The following PXDNL variants were observed in gnomAD, a reference collection of about 807,000 sequenced individuals.
The protein encoded by PXDNL is peroxidasin like, also known as probable oxidoreductase PXDNL.
In PXDNL, 145 loss-of-function variants were observed where a neutral mutation model predicts 150.8. The ratio of observed to expected loss-of-function variants is 0.96; its 90% CI spans 0.84 to 1.10. The LOEUF (loss-of-function observed/expected upper bound fraction) is 1.10. PXDNL is among the 50% of genes least tolerant of loss of function. The pLI, the probability that PXDNL is intolerant of heterozygous loss-of-function variation, is 0.00. For synonymous variants in PXDNL, 757 were observed against 725.7 expected (o/e 1.04, Z -0.69); for missense variants, 2,087 against 1,873.9 (o/e 1.11, Z -2.10).
chr8:51,425,705 C>A (rs2129753936), intron 13 of PXDNL, among the ~76,000 whole-genome samples: 1 of 152,022 alleles, frequency 6.6e-6, no homozygotes, highest in Non-Finnish European at 1.5e-5. Flanking sequence ...CCTGTAGTCC[C>A]AGCTACTCGG....
At chr8:51,589,070 G>A (rs144068074) in intron 3 of PXDNL, among the ~76,000 whole-genome samples, 218 of 152,172 alleles carry the variant, frequency 1.4e-3, no homozygotes, top group Non-Finnish European at 2.3e-3. Flanking sequence ...TATCACAGAC[G>A]TTTGGCCCTT....
At position 51,532,239 on chromosome 8, in the gene PXDNL, G is replaced by C. The variant is rs116849601; in HGVS notation, c.380+24601C>G. The stretch of plus-strand genomic sequence containing the variant: ...CCAGAATTAAGAAAAAAAAGAGATT[G>C]CTAAAACAGCAAAGCCTGTTATTTT... On this transcript the variant is annotated intron_variant, in intron 4 of 22. Transcript: ENST00000356297. Among the ~76,000 whole-genome samples, 649 of 152,290 alleles carry C rather than the reference G, an allele frequency of 4.3e-3. 3 individuals are homozygous for C. Among genetic ancestry groups the C allele is most frequent in the Middle Eastern group, 0.01 (3 of 294 alleles).
chr8:51,587,311 C>A (rs1289346935), intron 3 of PXDNL, among the ~76,000 whole-genome samples: 1 of 152,246 alleles, frequency 6.6e-6, no homozygotes. Flanking sequence ...GCTCTTAGAT[C>A]TTCAAGAAAT....
chr8:51,744,967 A>G (rs762093436), intron 1 of PXDNL, among the ~76,000 whole-genome samples: 12,197 of 25,584 alleles, frequency 0.48, 1,428 homozygotes, highest in South Asian at 0.55. Flanking sequence ...AAAGAAAGAA[A>G]GAAAGAAAGA....
intron 1 of PXDNL, among the ~76,000 whole-genome samples, chr8:51,790,363 C>A (rs1289496150): frequency 6.6e-6 from 1 of 152,176 alleles, no homozygotes; most frequent in Non-Finnish European, 1.5e-5. Context: ...TGGCCTCAGA[C>A]TCCAAAGAAT....
chr8:51,539,905 A>C (rs1304703310), intron 4 of PXDNL, among the ~76,000 whole-genome samples: 1 of 148,024 alleles, frequency 6.8e-6, no homozygotes, highest in Admixed American at 6.7e-5. Context: ...TGTTCTATTG[A>C]CTTCTCTCTA....
At chr8:51,761,048 T>G (rs2130997672) in intron 1 of PXDNL, among the ~76,000 whole-genome samples, 1 of 135,836 alleles carries the variant, frequency 7.4e-6, no homozygotes, top group South Asian at 2.3e-4. Flanking sequence ...TTTTTTTTTG[T>G]ATTTTTAGTA....
At chr8:51,700,725 CATAA>C (rs1362333174) in intron 1 of PXDNL, among the ~76,000 whole-genome samples, 1 of 151,346 alleles carries the variant, frequency 6.6e-6, no homozygotes, top group Non-Finnish European at 1.5e-5. Flanking sequence ...CATATATACA[CATAA>C]ATACACATAC....
In PXDNL at chr8:51,409,119, G is replaced by C. The variant is rs1226711194; in HGVS notation, c.2505C>G (p.Val835=). Reference sequence around the variant, plus strand: ...GGAAACAAGGAGGGTCGTTGGTGCAGACGGAGCTGCACGGCCGCCCATCCG... The same window carrying C: ...GGAAACAAGGAGGGTCGTTGGTGCACACGGAGCTGCACGGCCGCCCATCCG... The part of the protein sequence containing the change: ...RFSDGRPCSS[V]CTNDPPCFPM... Residue 835 remains valine, a synonymous_variant, in exon 17 of 23, where the codon GTC becomes GTG. Coordinates refer to ENST00000356297, the MANE Select transcript of PXDNL (RefSeq NM_144651.5). 1 of 1,607,670 alleles carries C rather than the reference G, an allele frequency of 6.2e-7. No individual in the cohort carries two copies. Among genetic ancestry groups the C allele is most frequent in the African/African-American group, 1.3e-5 (1 of 74,898 alleles).
intron 12 of PXDNL, among the ~76,000 whole-genome samples, chr8:51,445,809 GA>G (rs1385169164): frequency 1.3e-5 from 2 of 152,108 alleles, no homozygotes; most frequent in Non-Finnish European, 2.9e-5. Flanking sequence ...AAAGTAGTTT[GA>G]AACATTCTGC....
At chr8:51,492,087 A>G (rs1810908852) in intron 5 of PXDNL, among the ~76,000 whole-genome samples, 1 of 152,240 alleles carries the variant, frequency 6.6e-6, no homozygotes, top group Non-Finnish European at 1.5e-5. Context: ...GTAACTGCAT[A>G]AGAAAGTGGT....
chr8:51,743,678 G>A (rs552619994), intron 1 of PXDNL, among the ~76,000 whole-genome samples: 24 of 151,982 alleles, frequency 1.6e-4, no homozygotes, highest in African/African-American at 4.3e-4. Context: ...CACCATGCCC[G>A]GGCAATTTTT....
chr8:51,395,653 T>C (rs990201518), intron 17 of PXDNL, among the ~76,000 whole-genome samples: 1 of 152,028 alleles, frequency 6.6e-6, no homozygotes, highest in African/African-American at 2.4e-5. Flanking sequence ...TATAATTTGG[T>C]TTCAAAGAGG....
intron 2 of PXDNL, among the ~76,000 whole-genome samples, chr8:51,601,658 T>A (rs879235017): frequency 6.6e-6 from 1 of 152,014 alleles, no homozygotes; most frequent in African/African-American, 2.4e-5. Context: ...TGGGTCTTCT[T>A]TTTTTATCCA....
At chr8:51,344,165 C>T (rs561226176) in intron 20 of PXDNL, among the ~76,000 whole-genome samples, 7 of 152,058 alleles carry the variant, frequency 4.6e-5, no homozygotes, top group South Asian at 2.1e-4. Context: ...AGTATAGTGC[C>T]GTGATCGTAA....
intron 14 of PXDNL, among the ~76,000 whole-genome samples, chr8:51,415,109 C>G (rs1005991250): frequency 6.6e-6 from 1 of 152,214 alleles, no homozygotes; most frequent in South Asian, 2.1e-4. Flanking sequence ...TGCACACATC[C>G]TCTCATCCAG....
Position 51,353,272 on chromosome 8 carries a change from T to G in PXDNL, c.3902-7325A>C, listed in dbSNP as rs1281265696. On this transcript the variant is annotated intron_variant, in intron 19 of 22. Coordinates refer to ENST00000356297, the MANE Select transcript of PXDNL (RefSeq NM_144651.5). Reference sequence around the variant, plus strand: ...TTTTTAAGCCAGCTATTAGATTTATTCATCAATTCCACTTATATCTTTATT... The same window carrying G: ...TTTTTAAGCCAGCTATTAGATTTATGCATCAATTCCACTTATATCTTTATT... 2.6e-5 allele frequency among the ~76,000 whole-genome samples: 4 copies of G among 151,560 alleles called. No individual in the cohort carries two copies. The East Asian group carries it at 7.7e-4, about 29-fold the overall frequency.
chr8:51,608,729 C>G (rs1192859787), intron 2 of PXDNL, among the ~76,000 whole-genome samples: 4 of 138,268 alleles, frequency 2.9e-5, no homozygotes, highest in Non-Finnish European at 4.7e-5. Flanking sequence ...CCCAGCTGCT[C>G]GGGAGGCTGA....
chr8:51,447,615 T>C (rs945986800), intron 11 of PXDNL, among the ~76,000 whole-genome samples: 1 of 152,136 alleles, frequency 6.6e-6, no homozygotes, highest in African/African-American at 2.4e-5. Context: ...TTTTGTGACA[T>C]TCATGCTGTT....
Sources: allele counts gnomAD v4.1 joint callset (sites outside exome capture counted in the v4.1 genomes callset), GRCh38; gene constraint gnomAD v4.1.1; transcripts MANE v1.5; gene names NCBI Gene and HGNC (gene_info 2026-07-23, HGNC 2026-07-21).